CCDC60: variants seen among roughly 807,000 people sequenced by gnomAD.
The protein encoded by CCDC60 is coiled-coil domain containing 60.
A neutral mutation model predicts 63.5 loss-of-function variants in CCDC60; 54 were observed. The observed-to-expected ratio is 0.85, with a 90% CI of 0.68 to 1.07. CCDC60 has a LOEUF of 1.07. CCDC60 is among the 50% of genes least tolerant of loss of function. CCDC60 has a pLI of 0.00. For missense variants in CCDC60, 651 were observed against 684.3 expected (o/e 0.95, Z 0.54); for synonymous variants, 206 against 238.8 (o/e 0.86, Z 1.27).
chr12:119,462,991 TA>T (rs1418554096), intron 2 of CCDC60, among the ~76,000 whole-genome samples: 1 of 152,002 alleles, frequency 6.6e-6, no homozygotes, highest in Non-Finnish European at 1.5e-5. Context: ...GCCCAGCTAA[TA>T]TTTGTATTTT....
At chr12:119,479,725 T>G (rs1298051896) in intron 4 of CCDC60, 1 of 152,356 alleles carries the variant, frequency 6.6e-6, no homozygotes, top group Non-Finnish European at 1.5e-5. Context: ...TTTTTCTTTT[T>G]CACCAGTTAG....
intron 1 of CCDC60, among the ~76,000 whole-genome samples, chr12:119,354,795 G>C (rs1211270899): frequency 2.0e-5 from 3 of 152,204 alleles, no homozygotes; most frequent in Non-Finnish European, 4.4e-5. Flanking sequence ...CTCAGACACT[G>C]TCTTTATGTT....
intron 1 of CCDC60, among the ~76,000 whole-genome samples, chr12:119,360,606 C>T (rs1955775608): frequency 6.6e-6 from 1 of 152,070 alleles, no homozygotes; most frequent in African/African-American, 2.4e-5. Flanking sequence ...CTCCTCACAT[C>T]CCAAACAGGG....
intron 1 of CCDC60, among the ~76,000 whole-genome samples, chr12:119,367,932 C>T (rs11064761): frequency 0.54 from 81,485 of 150,490 alleles, 22,780 homozygotes; most frequent in South Asian, 0.62. Context: ...TGAAAAGTTT[C>T]CAGAATTGAT....
chr12:119,343,026 AC>A (rs2136144276), intron 1 of CCDC60, among the ~76,000 whole-genome samples: 1 of 152,366 alleles, frequency 6.6e-6, no homozygotes, highest in East Asian at 1.9e-4. Context: ...AATAGCACTT[AC>A]AAAAAATCTG....
At chr12:119,465,011 C>T (rs1198772144) in intron 2 of CCDC60, among the ~76,000 whole-genome samples, 4 of 152,188 alleles carry the variant, frequency 2.6e-5, no homozygotes, top group Non-Finnish European at 5.9e-5. Context: ...TAACCAATTA[C>T]GAATTAAATA....
intron 4 of CCDC60, among the ~76,000 whole-genome samples, chr12:119,480,329 G>C (rs1951275429): frequency 6.6e-6 from 1 of 152,144 alleles, no homozygotes; most frequent in Non-Finnish European, 1.5e-5. Flanking sequence ...GTGTTGCTGA[G>C]TCAGGTCGGT....
chr12:119,363,439 G>GTT (rs1955811509), intron 1 of CCDC60, among the ~76,000 whole-genome samples: 1 of 152,124 alleles, frequency 6.6e-6, no homozygotes, highest in South Asian at 2.1e-4. Context: ...GTGTGTGTGT[G>GTT]TGTGTGTATT....
intron 3 of CCDC60, among the ~76,000 whole-genome samples, chr12:119,478,857 G>A (rs865821775): frequency 1.3e-5 from 2 of 151,874 alleles, no homozygotes; most frequent in Non-Finnish European, 2.9e-5. Flanking sequence ...CACCCGCCTC[G>A]GCCTCCCAAA....
At chr12:119,362,990 C>T (rs1450964839) in intron 1 of CCDC60, among the ~76,000 whole-genome samples, 3 of 152,144 alleles carry the variant, frequency 2.0e-5, no homozygotes, top group Non-Finnish European at 2.9e-5. Flanking sequence ...CCCAGCTACT[C>T]GGGAGGCTGG....
chr12:119,418,744 T>C (rs895061125), intron 1 of CCDC60, among the ~76,000 whole-genome samples: 2 of 152,314 alleles, frequency 1.3e-5, no homozygotes, highest in African/African-American at 4.8e-5. Context: ...CAGATGTCCC[T>C]AGTTATCCCA....
At chr12:119,477,418 C>T in intron 3 of CCDC60, among the ~76,000 whole-genome samples, 1 of 152,204 alleles carries the variant, frequency 6.6e-6, no homozygotes, top group Non-Finnish European at 1.5e-5. Context: ...CTATTCTAGG[C>T]TATTAAAGCA....
intron 7 of CCDC60, among the ~76,000 whole-genome samples, chr12:119,512,335 G>A (rs763829148): frequency 3.3e-5 from 5 of 152,108 alleles, no homozygotes; most frequent in Admixed American, 6.5e-5. Context: ...TCACTTTTAC[G>A]TTTAGCAACT....
intron 8 of CCDC60, among the ~76,000 whole-genome samples, chr12:119,517,794 G>C (rs1019388917): frequency 6.6e-6 from 1 of 152,146 alleles, no homozygotes; most frequent in Non-Finnish European, 1.5e-5. Context: ...AGCTCATAAG[G>C]AGGTACTATC....
At chr12:119,411,432 G>A (rs1041176967) in intron 1 of CCDC60, among the ~76,000 whole-genome samples, 4 of 151,112 alleles carry the variant, frequency 2.6e-5, no homozygotes, top group Non-Finnish European at 3.0e-5. Context: ...TTCTGAACCC[G>A]GGAGGCGGAG....
intron 4 of CCDC60, among the ~76,000 whole-genome samples, chr12:119,485,741 C>T (rs1002330508): frequency 2.6e-5 from 4 of 152,126 alleles, no homozygotes; most frequent in Non-Finnish European, 5.9e-5. Context: ...CACAGTCACA[C>T]GCTGAGGTAC....
chr12:119,433,242 AAT>A, intron 2 of CCDC60: 1 of 609,562 alleles, frequency 1.6e-6, no homozygotes, highest in Non-Finnish European at 2.9e-6. Flanking sequence ...GACCCAGTAG[AAT>A]AGAGGGGATT....
intron 1 of CCDC60, among the ~76,000 whole-genome samples, chr12:119,356,938 A>G (rs1033215418): frequency 8.5e-5 from 13 of 152,260 alleles, no homozygotes; most frequent in African/African-American, 3.1e-4. Flanking sequence ...AAGCACACAA[A>G]TATAAGTACA....
At chr12:119,418,125 T>G (rs1956736203) in intron 1 of CCDC60, among the ~76,000 whole-genome samples, 1 of 99,080 alleles carries the variant, frequency 1.0e-5, no homozygotes, top group Non-Finnish European at 1.9e-5. Context: ...TTTTAACATG[T>G]TTCCATATTT....
Sources: gnomAD v4.1 joint callset for allele counts (sites outside exome capture counted in the v4.1 genomes callset) on GRCh38, gnomAD v4.1.1 for gene constraint, MANE v1.5 for transcripts, NCBI Gene and HGNC (gene_info 2026-07-23, HGNC 2026-07-21) for gene names.